Variants in LGSN observed in about 807,000 individuals in gnomAD.
The protein encoded by LGSN is lengsin, lens protein with glutamine synthetase domain, also known as lengsin.
Under a neutral mutation model 19.5 loss-of-function variants are expected in LGSN, and 21 were observed. The observed-to-expected ratio is 1.07, with a 90% CI of 0.76 to 1.55. The LOEUF (loss-of-function observed/expected upper bound fraction) is 1.55. Ranked by LOEUF, LGSN falls within the 40% of genes most tolerant of loss-of-function variation. LGSN has a pLI of 0.00. For missense variants in LGSN, 673 were observed against 608.5 expected (o/e 1.11, Z -1.12); for synonymous variants, 257 against 215.6 (o/e 1.19, Z -1.68).
chr6:63,513,728 T>C, the LGSN span, among the ~76,000 whole-genome samples: 2 of 151,854 alleles, frequency 1.3e-5, no homozygotes, highest in Admixed American at 6.6e-5. Context: ...CTGACCAAGA[T>C]GGTGAAACCC....
At chr6:63,356,557 T>C in the LGSN span, among the ~76,000 whole-genome samples, 1 of 151,472 alleles carries the variant, frequency 6.6e-6, no homozygotes, top group African/African-American at 2.4e-5. Flanking sequence ...AGTTAAAAAA[T>C]AAGAAAAATA....
chr6:63,337,335 G>A, the LGSN span, among the ~76,000 whole-genome samples: 1 of 149,402 alleles, frequency 6.7e-6, no homozygotes, highest in African/African-American at 2.5e-5. Flanking sequence ...TGGTGGCATA[G>A]GGCTGTAATC....
At position 63,280,210 on chromosome 6, in the gene LGSN, A is replaced by G. The variant is rs1767238764; in HGVS notation, c.1341T>C (p.Phe447=). ...VLAGPDESTD[F]YQVEPSEIPL... is the part of the protein sequence containing the mutation. Reference sequence around the variant, plus strand: ...GGATCTCAGAAGGTTCCACTTGGTAAAAGTCTGTGCTCTCATCTGGACCAG... The same window carrying G: ...GGATCTCAGAAGGTTCCACTTGGTAGAAGTCTGTGCTCTCATCTGGACCAG... The change falls in exon 4 of 4, where the codon TTT becomes TTC. Residue 447 remains phenylalanine (F), a synonymous_variant. Coordinates refer to ENST00000370657, the MANE Select transcript of LGSN (RefSeq NM_016571.3). 2 of 1,614,198 alleles carry G rather than the reference A, an allele frequency of 1.2e-6. No homozygotes were observed. Among genetic ancestry groups the G allele is most frequent in the Non-Finnish European group, 1.7e-6 (2 of 1,180,030 alleles).
the LGSN span, among the ~76,000 whole-genome samples, chr6:63,328,933 G>A: frequency 1.3e-5 from 2 of 152,172 alleles, no homozygotes; most frequent in South Asian, 2.1e-4. Context: ...ATGTCTTAGG[G>A]CAAGGATAAG....
the LGSN span, among the ~76,000 whole-genome samples, chr6:63,405,807 G>C: frequency 2.0e-5 from 3 of 152,042 alleles, no homozygotes; most frequent in Non-Finnish European, 4.4e-5. Context: ...ACACACATAG[G>C]CTCAAAATAA....
chr6:63,336,559 G>GTA, the LGSN span, among the ~76,000 whole-genome samples: 2,789 of 124,604 alleles, frequency 0.022, 51 homozygotes, highest in African/African-American at 0.05. Flanking sequence ...GTGTGTGTGT[G>GTA]TGTATATATA....
intron 1 of LGSN, among the ~76,000 whole-genome samples, chr6:63,297,479 C>T (rs1768021993): frequency 6.6e-6 from 1 of 151,984 alleles, no homozygotes; most frequent in African/African-American, 2.4e-5. Context: ...CCTTTTCAGT[C>T]CTTTGGTTTT....
At chr6:63,405,633 G>T in the LGSN span, among the ~76,000 whole-genome samples, 11 of 151,916 alleles carry the variant, frequency 7.2e-5, 1 homozygote, top group Admixed American at 2.0e-4. Context: ...CATGTCCTTC[G>T]CCAGCTAACA....
chr6:63,460,333 T>G, the LGSN span, among the ~76,000 whole-genome samples: 1 of 152,016 alleles, frequency 6.6e-6, no homozygotes, highest in Non-Finnish European at 1.5e-5. Flanking sequence ...CTTCCTTGAG[T>G]GTGATGCCCA....
the LGSN span, among the ~76,000 whole-genome samples, chr6:63,525,265 C>T: frequency 2.0e-5 from 3 of 152,190 alleles, no homozygotes; most frequent in South Asian, 2.1e-4. Flanking sequence ...CAAACCCGCT[C>T]TTCCATATTT....
chr6:63,307,969 C>A (rs1410206099), intron 1 of LGSN, among the ~76,000 whole-genome samples: 1 of 152,152 alleles, frequency 6.6e-6, no homozygotes, highest in Non-Finnish European at 1.5e-5. Flanking sequence ...TACAGTAATG[C>A]TGTTACTACA....
chr6:63,330,513 G>T, the LGSN span, among the ~76,000 whole-genome samples: 1 of 152,158 alleles, frequency 6.6e-6, no homozygotes, highest in African/African-American at 2.4e-5. Flanking sequence ...ATTGACCCTC[G>T]AGTGATTCAG....
the LGSN span, among the ~76,000 whole-genome samples, chr6:63,504,417 A>G: frequency 6.6e-6 from 1 of 151,844 alleles, no homozygotes; most frequent in Non-Finnish European, 1.5e-5. Context: ...AATTTTTTGT[A>G]TTTTAGTAGA....
chr6:63,403,033 T>G, the LGSN span, among the ~76,000 whole-genome samples: 2 of 151,326 alleles, frequency 1.3e-5, no homozygotes, highest in African/African-American at 4.9e-5. Context: ...AGCCCCACAA[T>G]CACATGAGCC....
chr6:63,526,505 A>G, the LGSN span, among the ~76,000 whole-genome samples: 1 of 150,170 alleles, frequency 6.7e-6, no homozygotes, highest in Non-Finnish European at 1.5e-5. Context: ...CAGAACAAAA[A>G]TATTTTTTTA....
chr6:63,473,464 ACT>A, the LGSN span, among the ~76,000 whole-genome samples: 3 of 122,172 alleles, frequency 2.5e-5, no homozygotes, highest in African/African-American at 3.4e-5. Flanking sequence ...ACAGAGCGAC[ACT>A]CTGTCTAAAA....
the LGSN span, among the ~76,000 whole-genome samples, chr6:63,488,725 C>A: frequency 1.3e-5 from 2 of 151,712 alleles, no homozygotes; most frequent in Non-Finnish European, 1.5e-5. Context: ...GGCTGAGGCA[C>A]ATGAATCACT....
chr6:63,535,902 A>G, the LGSN span, among the ~76,000 whole-genome samples: 4 of 152,168 alleles, frequency 2.6e-5, no homozygotes, highest in African/African-American at 7.2e-5. Context: ...CCTCCCGAGT[A>G]TCTGGGTTTA....
chr6:63,543,581 G>A, the LGSN span, among the ~76,000 whole-genome samples: 86 of 152,326 alleles, frequency 5.6e-4, no homozygotes, highest in Middle Eastern at 0.01. Context: ...GAGTGTTGAT[G>A]ATTGAATGTG....
Sources: gnomAD v4.1 joint callset for allele counts (sites outside exome capture counted in the v4.1 genomes callset) on GRCh38, gnomAD v4.1.1 for gene constraint, MANE v1.5 for transcripts, NCBI Gene and HGNC (gene_info 2026-07-23, HGNC 2026-07-21) for gene names.